KCTD8: variants seen among roughly 807,000 people sequenced by gnomAD.
KCTD8 encodes BTB/POZ domain-containing protein KCTD8.
Under a neutral mutation model 31.5 loss-of-function variants are expected in KCTD8, and 27 were observed. The observed-to-expected ratio is 0.86, with a 90% CI of 0.63 to 1.18. The LOEUF (loss-of-function observed/expected upper bound fraction) is 1.18. KCTD8 is among the 50% of genes most tolerant of loss of function. The probability of loss-of-function intolerance (pLI) is 0.00; values close to 1 mark genes in which losing one functional copy is unlikely to be tolerated. For missense variants in KCTD8, 658 were observed against 647.7 expected (o/e 1.02, Z -0.17); for synonymous variants, 290 against 280.0 (o/e 1.04, Z -0.36).
chr4:44,186,902 A>T (rs1352788920), intron 1 of KCTD8, among the ~76,000 whole-genome samples: 1 of 152,222 alleles, frequency 6.6e-6, no homozygotes, highest in African/African-American at 2.4e-5. Context: ...CACACAGGGG[A>T]TTACTTTATT....
intron 1 of KCTD8, among the ~76,000 whole-genome samples, chr4:44,317,233 T>C (rs1356022121): frequency 2.0e-4 from 11 of 55,600 alleles, no homozygotes; most frequent in Non-Finnish European, 4.0e-4. Context: ...GCTTTCTTTT[T>C]TTTTTTTTTT....
In KCTD8 at chr4:44,385,114, G is replaced by A. The variant is rs372976571; in HGVS notation, c.961+62449C>T. Among the ~76,000 whole-genome samples, 32 of 151,700 alleles carry A rather than the reference G, an allele frequency of 2.1e-4. No individual in the cohort carries two copies. The East Asian group carries it at 2.9e-3, about 14-fold the overall frequency. ...AAAACATTTTCATGGATTGGAAGACGTAATACTGTTAAAATGTCAGTATTA... is the reference window on the plus strand; with the variant it reads ...AAAACATTTTCATGGATTGGAAGACATAATACTGTTAAAATGTCAGTATTA... On this transcript the variant is annotated intron_variant, in intron 1 of 1. Transcript: ENST00000360029.
At chr4:44,371,965 C>T (rs1235546255) in intron 1 of KCTD8, among the ~76,000 whole-genome samples, 1 of 152,172 alleles carries the variant, frequency 6.6e-6, no homozygotes, top group Non-Finnish European at 1.5e-5. Flanking sequence ...CTTATGGTTA[C>T]ATTTTTCTGA....
intron 1 of KCTD8, among the ~76,000 whole-genome samples, chr4:44,252,570 G>T (rs969910359): frequency 1.3e-5 from 2 of 151,570 alleles, no homozygotes; most frequent in African/African-American, 4.8e-5. Context: ...GTAGTAAAAT[G>T]GTATCGCATC....
intron 1 of KCTD8, among the ~76,000 whole-genome samples, chr4:44,219,784 T>TA (rs1714753590): frequency 6.6e-6 from 1 of 152,172 alleles, no homozygotes; most frequent in African/African-American, 2.4e-5. Flanking sequence ...TGGAAGCTAT[T>TA]AGAGATATTT....
chr4:44,360,498 A>G (rs1719467371), intron 1 of KCTD8, among the ~76,000 whole-genome samples: 1 of 152,072 alleles, frequency 6.6e-6, no homozygotes, highest in Non-Finnish European at 1.5e-5. Flanking sequence ...AATTATACTA[A>G]TGGATGATTT....
At chr4:44,436,739 T>C (rs534297415) in intron 1 of KCTD8, among the ~76,000 whole-genome samples, 12 of 152,178 alleles carry the variant, frequency 7.9e-5, no homozygotes, top group African/African-American at 2.6e-4. Context: ...GTGGGAGTTT[T>C]TAATAAACAA....
chr4:44,411,001 T>TG (rs1720940221), intron 1 of KCTD8, among the ~76,000 whole-genome samples: 1 of 152,178 alleles, frequency 6.6e-6, no homozygotes, highest in Admixed American at 6.6e-5. Context: ...TTACATTTAA[T>TG]AGATTTTACA....
chr4:44,325,003 G>T (rs1718405972), intron 1 of KCTD8, among the ~76,000 whole-genome samples: 1 of 151,934 alleles, frequency 6.6e-6, no homozygotes, highest in Non-Finnish European at 1.5e-5. Flanking sequence ...TTAAAGATCA[G>T]ATCAGATTAT....
At chr4:44,252,885 C>A (rs767543704) in intron 1 of KCTD8, among the ~76,000 whole-genome samples, 2 of 151,682 alleles carry the variant, frequency 1.3e-5, no homozygotes, top group Non-Finnish European at 3.0e-5. Flanking sequence ...TTTGCAACAG[C>A]TCGAATAATA....
At chr4:44,321,408 CAG>C (rs1422475880) in intron 1 of KCTD8, among the ~76,000 whole-genome samples, 1 of 152,150 alleles carries the variant, frequency 6.6e-6, no homozygotes, top group Non-Finnish European at 1.5e-5. Context: ...GCATAGGTAA[CAG>C]ATCTTACAGT....
intron 1 of KCTD8, among the ~76,000 whole-genome samples, chr4:44,266,732 G>A (rs1716380977): frequency 6.6e-6 from 1 of 151,902 alleles, no homozygotes; most frequent in Non-Finnish European, 1.5e-5. Flanking sequence ...AAAAAAGGCA[G>A]GGGTTGCAAT....
At chr4:44,352,353 G>C (rs1184228267) in intron 1 of KCTD8, among the ~76,000 whole-genome samples, 4 of 151,652 alleles carry the variant, frequency 2.6e-5, no homozygotes, top group Admixed American at 1.3e-4. Flanking sequence ...TTACTTGATT[G>C]ATAAGGATGG....
chr4:44,385,755 G>T (rs2109446164), intron 1 of KCTD8, among the ~76,000 whole-genome samples: 1 of 151,612 alleles, frequency 6.6e-6, no homozygotes, highest in Admixed American at 6.6e-5. Context: ...AAAATAAACA[G>T]ATGAAAAGAC....
chr4:44,175,244 G>T lies in KCTD8; in HGVS notation c.968C>A (p.Pro323His). Residue 323 changes from proline to histidine, a missense_variant, in exon 2 of 2, where the codon CCT becomes CAT. Transcript: ENST00000360029. ...SYTEYIFFRP[P>H]QKIVSPKQEH... is the part of the protein sequence containing the mutation. ...TTGTTTAGGTGATACTATTTTCTGAGGTGGTCCTAAAAAGGAGGAAAAAAA... is the reference window on the plus strand; with the variant it reads ...TTGTTTAGGTGATACTATTTTCTGATGTGGTCCTAAAAAGGAGGAAAAAAA... The T allele has an allele frequency of 2.0e-6, 3 of 1,532,360 alleles. No homozygotes were observed. The highest frequency in any genetic ancestry group is 2.6e-6 in the Non-Finnish European group (3 of 1,140,320). The allele number at this position is 1,532,360 out of a possible 1,614,324, so 94.9% of individuals were successfully genotyped here. A position where few individuals can be genotyped will look rare whatever the true frequency, so the allele number is the denominator to read the frequency against.
At chr4:44,333,668 T>C (rs1718645350) in intron 1 of KCTD8, among the ~76,000 whole-genome samples, 1 of 152,054 alleles carries the variant, frequency 6.6e-6, no homozygotes, top group Admixed American at 6.6e-5. Flanking sequence ...GGTAACAGAT[T>C]AGAAAGTAAA....
intron 1 of KCTD8, among the ~76,000 whole-genome samples, chr4:44,364,638 C>A (rs973355047): frequency 1.3e-5 from 2 of 152,118 alleles, no homozygotes; most frequent in East Asian, 3.9e-4. Context: ...ATCATAGTCA[C>A]AATTTCCAAA....
intron 1 of KCTD8, among the ~76,000 whole-genome samples, chr4:44,380,659 A>T (rs1259303705): frequency 6.6e-6 from 1 of 151,972 alleles, no homozygotes; most frequent in Non-Finnish European, 1.5e-5. Flanking sequence ...GTGGTCACCA[A>T]ATTTCACATC....
At chr4:44,332,248 GT>G (rs930385656) in intron 1 of KCTD8, among the ~76,000 whole-genome samples, 23 of 151,834 alleles carry the variant, frequency 1.5e-4, no homozygotes, top group African/African-American at 5.3e-4. Flanking sequence ...CAACTAACCT[GT>G]TTTTCAAATA....
Sources: gnomAD v4.1 joint callset for allele counts (sites outside exome capture counted in the v4.1 genomes callset) on GRCh38, gnomAD v4.1.1 for gene constraint, MANE v1.5 for transcripts, NCBI Gene and HGNC (gene_info 2026-07-23, HGNC 2026-07-21) for gene names.